CCDC187: variants seen among roughly 807,000 people sequenced by gnomAD.
CCDC187 encodes the protein coiled-coil domain containing 187, also known as coiled-coil domain-containing protein 187.
Under a neutral mutation model 38.0 loss-of-function variants are expected in CCDC187, and 32 were observed. That is an observed-to-expected ratio of 0.84 (90% CI 0.64 to 1.13). The LOEUF (loss-of-function observed/expected upper bound fraction) is 1.13, where lower values mean the gene tolerates loss of function less well. Among genes scored for constraint, CCDC187 ranks in the 50% most tolerant of loss-of-function variants. The pLI is 0.00. For missense variants in CCDC187, 707 were observed against 786.8 expected, an observed-to-expected ratio of 0.90 and a Z score of 1.21; for synonymous variants, 333 against 347.9, an observed-to-expected ratio of 0.96 and a Z score of 0.48.
At chr9:136,299,192 C>T (rs1051791846) in intron 3 of CCDC187, among the ~76,000 whole-genome samples, 85 of 152,186 alleles carry the variant, frequency 5.6e-4, no homozygotes, top group Non-Finnish European at 7.2e-4. Flanking sequence ...AGGAGTTCCC[C>T]GGCAACTGTG....
intron 7 of CCDC187, 53 bp downstream of exon 7, chr9:136,289,906 G>GT: frequency 8.5e-6 from 3 of 353,706 alleles, no homozygotes; most frequent in Non-Finnish European, 5.1e-6. Flanking sequence ...ACTGTTCTTG[G>GT]CCCCCCCCAA....
rs1046619527 is a variant in CCDC187, at chr9:136,293,363, A to T, written c.833-1068T>A. Reference sequence around the variant, plus strand: ...CACACTCACATGCTCACACACATTCACATGCTCACACACTCACACTCACAT... The same window carrying T: ...CACACTCACATGCTCACACACATTCTCATGCTCACACACTCACACTCACAT... On this transcript the variant is annotated intron_variant, in intron 4 of 25. Coordinates refer to ENST00000638797, the MANE Select transcript of CCDC187 (RefSeq NM_001378188.1). Among the ~76,000 whole-genome samples the T allele has an allele frequency of 3.6e-3, 530 of 148,198 alleles. 12 individuals are homozygous for T. Among genetic ancestry groups the T allele is most frequent in the African/African-American group, 0.013 (495 of 39,402 alleles).
Position 136,260,210 on chromosome 9 carries a change from A to G in CCDC187, c.4119T>C (p.Asp1373=). The G allele has an allele frequency of 1.0e-6, 1 of 985,140 alleles. No individual in the cohort carries two copies. Among genetic ancestry groups the G allele is most frequent in the East Asian group, 1.1e-4 (1 of 8,758 alleles). 61.0% of individuals were successfully genotyped at this position (985,140 alleles called of 1,614,324 possible). A position where few individuals can be genotyped will look rare whatever the true frequency, so the allele number is the denominator to read the frequency against. ...VTPPQTTSDA[D]GHQQPPRPAW... ...CTGGCCTCGGAGGCTGCTGGTGACCATCTGCATCGGAGGTTGTCTGGGGTG... is the reference window on the plus strand; with the variant it reads ...CTGGCCTCGGAGGCTGCTGGTGACCGTCTGCATCGGAGGTTGTCTGGGGTG... Residue 1373 remains aspartate, a synonymous_variant, in exon 20 of 26, where the codon GAT becomes GAC. Coordinates refer to ENST00000638797, the MANE Select transcript of CCDC187 (RefSeq NM_001378188.1).
At position 136,254,157 on chromosome 9, in the gene CCDC187, G is replaced by A; in HGVS notation, c.5671C>T (p.Pro1891Ser). Residue 1891 changes from proline (P) to serine (S), a missense_variant, in exon 26 of 26, where the codon CCT (proline) becomes TCT (serine). By Grantham distance (74) the Pro-to-Ser change is moderately conservative. Transcript: ENST00000638797. The stretch of plus-strand genomic sequence containing the variant: ...CCTTCACTCAAAGAGGTCCACGAAG[G>A]AAAGACCAGCAGTGAGTCCGAGTCA... The part of the protein sequence containing the change: ...AGDSDSLLVF[P>S]SWTSLSEGAD... The A allele has an allele frequency of 5.1e-6, 5 of 985,468 alleles. No individual in the cohort carries two copies. Among genetic ancestry groups the A allele is most frequent in the Non-Finnish European group, 6.0e-6 (5 of 829,966 alleles). 61.0% of individuals were successfully genotyped at this position (985,468 alleles called of 1,614,324 possible).
intron 9 of CCDC187, among the ~76,000 whole-genome samples, chr9:136,282,453 G>C (rs1398113072): frequency 2.0e-5 from 3 of 152,206 alleles, no homozygotes; most frequent in Non-Finnish European, 4.4e-5. Flanking sequence ...AGACGGGTTT[G>C]TGGGCGGAGC....
At position 136,254,807 on chromosome 9, in the gene CCDC187, G is replaced by C. The variant is rs1193167285; in HGVS notation, c.5021C>G (p.Ser1674Trp). 1.0e-6 allele frequency: 1 copy of C among 985,484 alleles called. No homozygotes were observed. Among genetic ancestry groups the C allele is most frequent in the East Asian group, 1.1e-4 (1 of 8,816 alleles). 61.0% of individuals were successfully genotyped at this position (985,484 alleles called of 1,614,324 possible). ...WPGELSARHSSGEAGLPLSWR... is the reference protein window; with the variant it reads ...WPGELSARHSWGEAGLPLSWR... ...GGACAAAGGCAGGCCAGCTTCCCCCGAGGAGTGTCGGGCAGAGAGCTCTCC... is the reference window on the plus strand; with the variant it reads ...GGACAAAGGCAGGCCAGCTTCCCCCCAGGAGTGTCGGGCAGAGAGCTCTCC... The change falls in exon 26 of 26, where the codon TCG (serine) becomes TGG (tryptophan). Residue 1674 changes from serine (S) to tryptophan (W), a missense_variant. Coordinates refer to ENST00000638797, the MANE Select transcript of CCDC187 (RefSeq NM_001378188.1).
At position 136,267,450 on chromosome 9, in the gene CCDC187, C is replaced by T. The variant is rs1374033027; in HGVS notation, c.3581G>A (p.Arg1194His). ...CTCCTGGAGCGCCATCTCTCGCAGG[C>T]GCAGCAGCGCGGCCTGGTGCTGTGC... ...LRAQHQAALL[R>H]LREMALQEKT... The change falls in exon 16 of 26, where the codon CGC (arginine) becomes CAC (histidine). Residue 1194 changes from arginine to histidine, a missense_variant. Coordinates refer to ENST00000638797, the MANE Select transcript of CCDC187 (RefSeq NM_001378188.1). 5.1e-6 allele frequency: 5 copies of T among 985,502 alleles called. No individual in the cohort carries two copies. The highest frequency in any genetic ancestry group is 6.0e-6 in the Non-Finnish European group (5 of 830,068). The allele number at this position is 985,502 out of a possible 1,614,324, so 61.0% of individuals were successfully genotyped here. A position where few individuals can be genotyped will look rare whatever the true frequency, so the allele number is the denominator to read the frequency against.
intron 4 of CCDC187, among the ~76,000 whole-genome samples, chr9:136,293,528 C>CACAT (rs1160780111): frequency 0.46 from 66,352 of 142,714 alleles, 15,575 homozygotes; most frequent in Non-Finnish European, 0.48. Context: ...CTCACATACA[C>CACAT]GCTTACACAC....
In CCDC187 at chr9:136,257,525, G is replaced by A. The variant is rs1156372432; in HGVS notation, c.4367-684C>T. 6.6e-6 allele frequency among the ~76,000 whole-genome samples: 1 copy of A among 152,154 alleles called. No individual in the cohort carries two copies. Among genetic ancestry groups the A allele is most frequent in the Admixed American group, 6.5e-5 (1 of 15,288 alleles). On this transcript the variant is annotated intron_variant, in intron 22 of 25. Transcript: ENST00000638797. The surrounding 1 kb of genome is among the most constrained non-coding windows in gnomAD (Gnocchi z 4.5). ...GGGGTGGTGCAGAGGGCCGGTGGGG[G>A]GCAGGCCTCGGACACAGCAAGGCCA...
intron 9 of CCDC187, among the ~76,000 whole-genome samples, chr9:136,283,146 G>C (rs1191776913): frequency 1.3e-5 from 2 of 152,242 alleles, no homozygotes; most frequent in African/African-American, 4.8e-5. Context: ...CTGCTGGGGA[G>C]GCTGAGGCGG....
chr9:136,265,111 T>A (rs1830728633), intron 17 of CCDC187, among the ~76,000 whole-genome samples: 1 of 152,180 alleles, frequency 6.6e-6, no homozygotes, highest in Admixed American at 6.5e-5. Context: ...ATGGGGGCAC[T>A]GAAGTGAGGA....
At chr9:136,301,195 C>A (rs1214359115) in intron 2 of CCDC187, among the ~76,000 whole-genome samples, 1 of 152,224 alleles carries the variant, frequency 6.6e-6, no homozygotes, top group Admixed American at 6.5e-5. Context: ...CCAAAGTATT[C>A]GCTCAGGCAG....
At chr9:136,267,863 G>T (rs1356477868) in intron 15 of CCDC187, 186 bp downstream of exon 15, 1 of 985,338 alleles carries the variant, frequency 1.0e-6, no homozygotes, top group Non-Finnish European at 1.2e-6. Flanking sequence ...GTCACCCAGG[G>T]CGGGAGGAAC....
At chr9:136,302,186 T>A (rs1480639298) in intron 2 of CCDC187, among the ~76,000 whole-genome samples, 1 of 151,894 alleles carries the variant, frequency 6.6e-6, no homozygotes, top group African/African-American at 2.4e-5. Context: ...AGACTCCATC[T>A]CAAAAAAATA....
chr9:136,260,963 C>G (rs1830671650), intron 19 of CCDC187, among the ~76,000 whole-genome samples: 1 of 152,228 alleles, frequency 6.6e-6, no homozygotes, highest in Non-Finnish European at 1.5e-5. Flanking sequence ...GCCCGGCACT[C>G]AGCCCACAAA....
At chr9:136,300,152 G>A (rs1192274103) in intron 3 of CCDC187, 68 bp downstream of exon 3, 1 of 397,946 alleles carries the variant, frequency 2.5e-6, no homozygotes, top group Non-Finnish European at 4.4e-6. Flanking sequence ...GGCCCAGCAT[G>A]TGCTGCCCCC....
At chr9:136,301,061 C>G (rs1831669028) in intron 2 of CCDC187, among the ~76,000 whole-genome samples, 1 of 152,218 alleles carries the variant, frequency 6.6e-6, no homozygotes, top group Non-Finnish European at 1.5e-5. Flanking sequence ...GAGCCAGGCC[C>G]TGCGCGCCTT....
intron 5 of CCDC187, among the ~76,000 whole-genome samples, 181 bp downstream of exon 5, chr9:136,291,980 C>T (rs1401451267): frequency 6.6e-6 from 1 of 152,232 alleles, no homozygotes; most frequent in Non-Finnish European, 1.5e-5. Flanking sequence ...TTTGAAAACA[C>T]TTATTGCCCA....
intron 4 of CCDC187, among the ~76,000 whole-genome samples, chr9:136,293,395 ACACTCACAAACACT>A (rs1342390489): frequency 4.1e-5 from 4 of 96,584 alleles, no homozygotes; most frequent in Non-Finnish European, 6.7e-5. Flanking sequence ...ACATGCTCAC[ACACTCACAAACACT>A]CACATGCTCA....
Sources: allele counts gnomAD v4.1 joint callset (sites outside exome capture counted in the v4.1 genomes callset), GRCh38; gene constraint gnomAD v4.1.1; non-coding constraint Gnocchi (gnomAD v3.1); transcripts MANE v1.5; gene names NCBI Gene and HGNC (gene_info 2026-07-23, HGNC 2026-07-21).